Variants in LRP2 observed in about 807,000 individuals in gnomAD.
LRP2 encodes LDL receptor related protein 2.
Under a neutral mutation model 531.0 loss-of-function variants are expected in LRP2, and 172 were observed. That is an observed-to-expected ratio of 0.32 (90% CI 0.29 to 0.37). LRP2 has a LOEUF of 0.37. LRP2 is among the 10% of genes least tolerant of loss of function. The pLI, the probability that LRP2 is intolerant of heterozygous loss-of-function variation, is 1.00. For missense variants in LRP2, 5,167 were observed against 5,868.3 expected, an observed-to-expected ratio of 0.88 and a Z score of 3.90; for synonymous variants, 1,992 against 2,027.6, an observed-to-expected ratio of 0.98 and a Z score of 0.47.
chr2:169,360,688 C>T (rs1009232374), intron 1 of LRP2, among the ~76,000 whole-genome samples: 1 of 152,150 alleles, frequency 6.6e-6, no homozygotes, highest in Non-Finnish European at 1.5e-5. Flanking sequence ...ATAATAAACC[C>T]TCTTTCTGCG....
chr2:169,263,160 A>T (rs1329255734), intron 16 of LRP2, among the ~76,000 whole-genome samples: 1 of 152,200 alleles, frequency 6.6e-6, no homozygotes, highest in African/African-American at 2.4e-5. Context: ...AAACCTAGGC[A>T]TTACCATTCA....
At chr2:169,144,505 G>A (rs1359735491) in intron 70 of LRP2, among the ~76,000 whole-genome samples, 1 of 151,978 alleles carries the variant, frequency 6.6e-6, no homozygotes, top group Non-Finnish European at 1.5e-5. Flanking sequence ...TTCTCCTCAG[G>A]GTCCAGAGGC....
At chr2:169,293,472 T>A (rs570580987) in intron 6 of LRP2, among the ~76,000 whole-genome samples, 177 of 152,178 alleles carry the variant, frequency 1.2e-3, no homozygotes, top group African/African-American at 4.2e-3. Context: ...GATCAGGAGT[T>A]CGAGACCAGC....
intron 61 of LRP2, 104 bp downstream of exon 61, chr2:169,168,435 A>C (rs931249430): frequency 8.6e-5 from 121 of 1,408,790 alleles, no homozygotes; most frequent in Non-Finnish European, 1.2e-4. Context: ...GTCCATTCCT[A>C]AACAATTGTA....
intron 1 of LRP2, among the ~76,000 whole-genome samples, chr2:169,334,852 A>T (rs954851204): frequency 2.6e-5 from 4 of 152,346 alleles, no homozygotes; most frequent in South Asian, 2.1e-4. Context: ...AGGTCCCTGT[A>T]AACCTCTGGC....
chr2:169,333,905 T>C (rs1685334039), intron 1 of LRP2, among the ~76,000 whole-genome samples: 1 of 152,192 alleles, frequency 6.6e-6, no homozygotes, highest in South Asian at 2.1e-4. Flanking sequence ...GTCAATGTTA[T>C]CACTTCACGT....
intron 1 of LRP2, among the ~76,000 whole-genome samples, chr2:169,337,126 C>T (rs1019166981): frequency 2.2e-4 from 34 of 152,142 alleles, no homozygotes; most frequent in African/African-American, 7.0e-4. Flanking sequence ...CCATGGCTCA[C>T]GACCCTGACC....
intron 77 of LRP2, among the ~76,000 whole-genome samples, chr2:169,130,878 G>A (rs1685260455): frequency 6.6e-6 from 1 of 152,178 alleles, no homozygotes; most frequent in Non-Finnish European, 1.5e-5. Flanking sequence ...GTGAAGATCT[G>A]CTCTCCTTTG....
chr2:169,350,884 C>T (rs1375919576), intron 1 of LRP2, among the ~76,000 whole-genome samples: 1 of 152,060 alleles, frequency 6.6e-6, no homozygotes, highest in African/African-American at 2.4e-5. Flanking sequence ...CCTGACTTGA[C>T]ATGTGATGTT....
At chr2:169,205,689 T>A in intron 40 of LRP2, 52 bp from the exon 41 acceptor site, 5 of 1,444,832 alleles carry the variant, frequency 3.5e-6, no homozygotes, top group Non-Finnish European at 4.8e-6. Context: ...CTCATAGTCC[T>A]TTAAAAAAAA....
In LRP2 at chr2:169,137,438, A is replaced by C. The variant is rs771169658; in HGVS notation, c.13574T>G (p.Met4525Arg). 1.2e-6 allele frequency: 2 copies of C among 1,614,154 alleles called. No individual in the cohort carries two copies. Among genetic ancestry groups the C allele is most frequent in the Admixed American group, 1.7e-5 (1 of 60,018 alleles). ...GACAGCACTGTCTCTGGCTGAGTAC[A>C]TTGGGTTTTCAAATATTATGGGCTG... is the stretch of plus-strand genomic sequence containing the variant. ...GKQPIIFENP[M>R]YSARDSAVKV... The change falls in exon 76 of 79, where the codon ATG becomes AGG. Residue 4525 changes from methionine to arginine, a missense_variant. This residue lies in a region of LRP2 where 348 missense variants were observed against 369.3 expected (regional missense o/e 0.94). Transcript: ENST00000649046.
In LRP2 at chr2:169,165,972, C is replaced by A; in HGVS notation, c.11718G>T (p.Val3906=). The part of the protein sequence containing the change: ...CIYSHEVCNG[V]DDCGDGTDET... ...CATCAGTTCCATCTCCACAGTCATC[C>A]ACACCATTGCACACCTCATGACTAT... Residue 3906 remains valine, a synonymous_variant, in exon 62 of 79, where the codon GTG becomes GTT. Transcript: ENST00000649046. The A allele has an allele frequency of 3.7e-6, 6 of 1,614,004 alleles. No individual in the cohort carries two copies. Among genetic ancestry groups the A allele is most frequent in the Non-Finnish European group, 5.1e-6 (6 of 1,179,912 alleles).
chr2:169,295,527 C>G (rs1220017002), intron 4 of LRP2, among the ~76,000 whole-genome samples: 2 of 152,120 alleles, frequency 1.3e-5, no homozygotes, highest in Non-Finnish European at 1.5e-5. Flanking sequence ...AGACTTGGAC[C>G]ACCTGTCTCT....
rs564592609 is a variant in LRP2, at chr2:169,348,004, A to T, written c.79+14317T>A. 1.6e-4 allele frequency among the ~76,000 whole-genome samples: 25 copies of T among 152,326 alleles called. No individual in the cohort carries two copies. The South Asian group carries it at 5.2e-3, about 32-fold the overall frequency. ...TTGCTCCAAATTATCCATGGTGACA[A>T]CATATACAAATAAGGGTTCTGGGTT... On this transcript the variant is annotated intron_variant, in intron 1 of 78. Coordinates refer to ENST00000649046, the MANE Select transcript of LRP2 (RefSeq NM_004525.3).
chr2:169,199,020 G>A lies in LRP2; in HGVS notation c.8453-109C>T, dbSNP rs571551480. The A allele has an allele frequency of 1.7e-4, 199 of 1,165,018 alleles. 1 individual carries two copies. The highest frequency in any genetic ancestry group is 1.1e-3 in the African/African-American group (72 of 64,698). 72.2% of individuals were successfully genotyped at this position (1,165,018 alleles called of 1,614,324 possible). On this transcript the variant is annotated intron_variant, in intron 44 of 78. Coordinates refer to ENST00000649046, the MANE Select transcript of LRP2 (RefSeq NM_004525.3). ...GTGGAACTCAAACCACTGGAAGGGC[G>A]GCATTTTCAAAGCCATCAGAAAGGC... is the stretch of plus-strand genomic sequence containing the variant.
chr2:169,345,797 A>G (rs1685681974), intron 1 of LRP2, among the ~76,000 whole-genome samples: 7 of 152,142 alleles, frequency 4.6e-5, no homozygotes, highest in Admixed American at 4.6e-4. Context: ...AAACTCAGAA[A>G]AACATCCTAC....
At chr2:169,207,699 A>C (rs1688445775) in intron 38 of LRP2, among the ~76,000 whole-genome samples, 1 of 152,216 alleles carries the variant, frequency 6.6e-6, no homozygotes, top group African/African-American at 2.4e-5. Context: ...AATGTTATCA[A>C]ATGGTCTTTG....
chr2:169,193,940 C>G, intron 46 of LRP2, 48 bp from the exon 47 acceptor site: 1 of 1,612,616 alleles, frequency 6.2e-7, no homozygotes, highest in Non-Finnish European at 8.5e-7. Flanking sequence ...GTTTACAGTC[C>G]AGGAATCTGG....
intron 68 of LRP2, among the ~76,000 whole-genome samples, chr2:169,149,701 G>C (rs560022996): frequency 5.3e-5 from 8 of 152,042 alleles, no homozygotes; most frequent in Non-Finnish European, 1.2e-4. Context: ...GCCCAGTGTG[G>C]TGGTGGGTGC....
Sources: gnomAD v4.1 joint callset for allele counts (sites outside exome capture counted in the v4.1 genomes callset) on GRCh38, gnomAD v4.1.1 for gene constraint, gnomAD v4.1.1 regional missense constraint, MANE v1.5 for transcripts, NCBI Gene and HGNC (gene_info 2026-07-23, HGNC 2026-07-21) for gene names.